Variants in SFR1 observed in about 807,000 individuals in gnomAD.
SFR1 encodes the protein swi5-dependent recombination DNA repair protein 1 homolog.
A neutral mutation model predicts 26.2 loss-of-function variants in SFR1; 24 were observed. The ratio of observed to expected loss-of-function variants is 0.92; its 90% CI spans 0.66 to 1.29. The LOEUF is 1.29. Among genes scored for constraint, SFR1 ranks in the 50% most tolerant of loss-of-function variants. The pLI, the probability that SFR1 is intolerant of heterozygous loss-of-function variation, is 0.00. For synonymous variants in SFR1, 77 were observed against 96.6 expected (o/e 0.80, Z 1.19); for missense variants, 276 against 270.2 (o/e 1.02, Z -0.15).
intron 1 of SFR1, chr10:104,122,565 T>G (rs1589591992): frequency 1.0e-6 from 1 of 985,296 alleles, no homozygotes; most frequent in African/African-American, 1.7e-5. Context: ...TCAGGATGGG[T>G]GACATTCAGG....
At chr10:104,121,761 C>T (rs2086964060), upstream of SFR1, among the ~76,000 whole-genome samples, 1 of 152,184 alleles carries the variant, frequency 6.6e-6, no homozygotes, top group Non-Finnish European at 1.5e-5. Flanking sequence ...ACAAGGAAGC[C>T]TGAAGGGAAG....
chr10:104,120,177 G>A (rs2086948459), upstream of SFR1, among the ~76,000 whole-genome samples: 1 of 152,184 alleles, frequency 6.6e-6, no homozygotes, highest in African/African-American at 2.4e-5. Context: ...CCTTATGCCG[G>A]GAGGTATAAA....
upstream of SFR1, chr10:104,122,162 C>A: frequency 6.5e-7 from 1 of 1,548,554 alleles, no homozygotes; most frequent in Non-Finnish European, 8.7e-7. Flanking sequence ...CAGGTGCGCG[C>A]GCTTTTTTGC....
At chr10:104,125,261 A>G (rs1320132297) in intron 3 of SFR1, among the ~76,000 whole-genome samples, 1 of 152,130 alleles carries the variant, frequency 6.6e-6, no homozygotes, top group Non-Finnish European at 1.5e-5. Context: ...TTTTGGCCCT[A>G]TTTAATGATT....
chr10:104,121,993 C>T (rs2086967263), upstream of SFR1: 17 of 608,540 alleles, frequency 2.8e-5, no homozygotes, highest in South Asian at 3.2e-4. Context: ...GTGGGCCAAG[C>T]CCCGCCCCAA....
At chr10:104,122,872 A>C (rs766824591) in intron 1 of SFR1, 93 bp from the exon 2 acceptor site, 8 of 1,569,136 alleles carry the variant, frequency 5.1e-6, no homozygotes, top group Middle Eastern at 1.7e-4. Context: ...TTACTTGTGG[A>C]TGCTTTGTAC....
upstream of SFR1, among the ~76,000 whole-genome samples, chr10:104,120,330 C>A (rs1297982174): frequency 6.6e-6 from 1 of 152,104 alleles, no homozygotes; most frequent in African/African-American, 2.4e-5. Flanking sequence ...GTGAGTAACA[C>A]CTTTATCACA....
upstream of SFR1, chr10:104,122,137 A>G: frequency 6.5e-7 from 1 of 1,546,342 alleles, no homozygotes; most frequent in Admixed American, 2.0e-5. Context: ...CTGCCACAGG[A>G]TCGATTTACG....
chr10:104,122,632 A>G (rs1589592034), intron 1 of SFR1: 1 of 1,313,048 alleles, frequency 7.6e-7, no homozygotes, highest in South Asian at 1.7e-5. Flanking sequence ...TGAAGCTGTC[A>G]TAATAAAGAA....
chr10:104,123,248 A>G, intron 2 of SFR1, 162 bp downstream of exon 2: 1 of 571,682 alleles, frequency 1.7e-6, no homozygotes, highest in South Asian at 2.9e-5. Flanking sequence ...GGTGACATAT[A>G]TGACACCCAC....
Position 104,125,565 on chromosome 10 carries a change from A to T in SFR1, c.599A>T (p.Gln200Leu). The change falls in exon 4 of 4, where the codon CAG (glutamine) becomes CTG (leucine). Residue 200 changes from glutamine to leucine, a missense_variant. Transcript: ENST00000369727. ...ATAAAGAAGTGGAGAAGCTGTAGCC[A>T]GCTCTTGCTTTATGAGTTGCAGTCA... is the stretch of plus-strand genomic sequence containing the variant. ...LLIKKWRSCS[Q>L]LLLYELQSAV... The T allele has an allele frequency of 6.2e-7, 1 of 1,613,754 alleles. No homozygotes were observed. The highest frequency in any genetic ancestry group is 2.2e-5 in the East Asian group (1 of 44,868).
At position 104,123,079 on chromosome 10, in the gene SFR1, G is replaced by T; in HGVS notation, c.128G>T (p.Arg43Leu). The T allele has an allele frequency of 4.5e-6, 7 of 1,561,914 alleles. No individual in the cohort carries two copies. The highest frequency in any genetic ancestry group is 1.4e-5 in the African/African-American group (1 of 72,634). ...NPSSPYTNSS[R>L]KQPMSATLRE... ...TCATCTCCCTATACAAATAGTTCCCGAAAACAAGTATGAAAATCTTTGTTC... is the reference window on the plus strand; with the variant it reads ...TCATCTCCCTATACAAATAGTTCCCTAAAACAAGTATGAAAATCTTTGTTC... The change falls in exon 2 of 4, where the codon CGA becomes CTA. Residue 43 changes from arginine to leucine, a missense_variant. Arg to Leu is a moderately radical substitution (Grantham distance 102). Transcript: ENST00000369727.
At chr10:104,122,832 T>A in intron 1 of SFR1, 133 bp from the exon 2 acceptor site, 1 of 1,537,036 alleles carries the variant, frequency 6.5e-7, no homozygotes, top group African/African-American at 1.4e-5. Flanking sequence ...AAGAATGAAT[T>A]ACAAAGTGAA....
intron 3 of SFR1, 55 bp from the exon 4 acceptor site, chr10:104,125,458 T>C (rs561510081): frequency 7.1e-7 from 1 of 1,403,704 alleles, no homozygotes; most frequent in Non-Finnish European, 9.9e-7. Flanking sequence ...CAACTTTAAT[T>C]AAGTTGAACT....
chr10:104,124,749 T>A (rs1185488136), intron 3 of SFR1, among the ~76,000 whole-genome samples: 2 of 152,050 alleles, frequency 1.3e-5, no homozygotes. Flanking sequence ...CTGGAGTTTT[T>A]AAAAAATAAA....
In SFR1 at chr10:104,126,288, T is replaced by G. The variant is rs1448236223; in HGVS notation, c.*584T>G. ...TGTCTAACCCTAAAGTTTAAAAATT[T>G]CTGCCTCCTAAGTTTATGTACCTTG... is the stretch of plus-strand genomic sequence containing the variant. On this transcript the variant is annotated 3_prime_UTR_variant, in exon 4 of 4. Coordinates refer to ENST00000369727, the MANE Select transcript of SFR1 (RefSeq NM_001002759.2). The G allele has an allele frequency of 6.5e-6, 1 of 152,702 alleles. No homozygotes were observed. The highest frequency in any genetic ancestry group is 2.4e-5 in the African/African-American group (1 of 41,468). The allele number at this position is 152,702 out of a possible 1,614,324, so 9.5% of individuals were successfully genotyped here.
intron 2 of SFR1, 135 bp downstream of exon 2, chr10:104,123,221 TTTTG>T (rs2086987048): frequency 2.6e-6 from 2 of 777,682 alleles, no homozygotes; most frequent in East Asian, 2.7e-5. Flanking sequence ...TATTAAATAA[TTTTG>T]TTTTTCTTCT....
rs555143224 is a variant in SFR1 at position 104,125,859 on chromosome 10, G to A, written c.*155G>A. 3.7e-5 allele frequency: 18 copies of A among 491,078 alleles called. No homozygotes were observed. Among genetic ancestry groups the A allele is most frequent in the African/African-American group, 2.6e-4 (13 of 50,336 alleles). 30.4% of individuals were successfully genotyped at this position (491,078 alleles called of 1,614,324 possible). ...TGACTCACTGCAACCTCTGCCTCTC[G>A]GGTTCCAGCAATTCTCCTGCCTCAG... On this transcript the variant is annotated 3_prime_UTR_variant, in exon 4 of 4. Transcript: ENST00000369727.
Position 104,124,074 on chromosome 10 carries a change from A to G in SFR1, c.496A>G (p.Lys166Glu). ...CAAATTGGTGAAGCAGGTTCAGGAGAAAGAAGACCTTCTTCGGAGGCTAAA... is the reference window on the plus strand; with the variant it reads ...CAAATTGGTGAAGCAGGTTCAGGAGGAAGAAGACCTTCTTCGGAGGCTAAA... ...KAKLVKQVQE[K>E]EDLLRRLKLV... The change falls in exon 3 of 4, where the codon AAA becomes GAA. Residue 166 changes from lysine to glutamate, a missense_variant. Coordinates refer to ENST00000369727, the MANE Select transcript of SFR1 (RefSeq NM_001002759.2). 3.1e-6 allele frequency: 5 copies of G among 1,613,510 alleles called. No homozygotes were observed. Among genetic ancestry groups the G allele is most frequent in the Non-Finnish European group, 4.2e-6 (5 of 1,179,806 alleles).
Sources: gnomAD v4.1 joint callset for allele counts (sites outside exome capture counted in the v4.1 genomes callset) on GRCh38, gnomAD v4.1.1 for gene constraint, MANE v1.5 for transcripts, NCBI Gene and HGNC (gene_info 2026-07-23, HGNC 2026-07-21) for gene names.